CPEB3: variants seen among roughly 807,000 people sequenced by gnomAD.
CPEB3 encodes cytoplasmic polyadenylation element binding protein 3, also known as cytoplasmic polyadenylation element-binding protein 3.
A neutral mutation model predicts 67.2 loss-of-function variants in CPEB3; 20 were observed. The ratio of observed to expected loss-of-function variants is 0.30; its 90% CI spans 0.21 to 0.43. CPEB3 has a LOEUF of 0.43. Among genes scored for constraint, CPEB3 ranks in the 20% least tolerant of loss-of-function variants. The probability of loss-of-function intolerance (pLI) is 1.00; values close to 1 mark genes in which losing one functional copy is unlikely to be tolerated. For synonymous variants in CPEB3, 376 were observed against 393.1 expected (o/e 0.96, Z 0.51); for missense variants, 746 against 968.6 (o/e 0.77, Z 3.05).
chr10:92,163,328 G>C (rs969027251), intron 4 of CPEB3, among the ~76,000 whole-genome samples: 4 of 152,100 alleles, frequency 2.6e-5, no homozygotes, highest in African/African-American at 9.7e-5. Context: ...CAGCTACTCG[G>C]GAGGCTGAGG....
intron 1 of CPEB3, among the ~76,000 whole-genome samples, chr10:92,253,463 C>CAAAAAAAAAAAAAAAAAAAAAAA (rs370091703): frequency 1.3e-5 from 1 of 76,836 alleles, no homozygotes; most frequent in Non-Finnish European, 2.6e-5. Context: ...TGTCTCAAAA[C>CAAAAAAAAAAAAAAAAAAAAAAA]AAAAAAAAAA....
intron 7 of CPEB3, among the ~76,000 whole-genome samples, chr10:92,095,360 C>T (rs1218467584): frequency 6.6e-6 from 1 of 151,482 alleles, no homozygotes; most frequent in Admixed American, 6.6e-5. Flanking sequence ...AACATAGATG[C>T]AGAATTAATC....
chr10:92,164,678 C>T (rs1411676206), intron 4 of CPEB3, among the ~76,000 whole-genome samples: 1 of 152,076 alleles, frequency 6.6e-6, no homozygotes, highest in Non-Finnish European at 1.5e-5. Context: ...TACAATTTAT[C>T]CATTCACCAG....
chr10:92,217,248 T>TACACAC (rs754423428), intron 2 of CPEB3, among the ~76,000 whole-genome samples: 48 of 127,276 alleles, frequency 3.8e-4, no homozygotes, highest in Middle Eastern at 4.0e-3. Flanking sequence ...TATATATATA[T>TACACAC]ACACACACAC....
chr10:92,239,734 G>C lies in CPEB3; in HGVS notation c.617C>G (p.Ala206Gly). The change falls in exon 2 of 10, where the codon GCC becomes GGC. Residue 206 changes from alanine (A) to glycine (G), a missense_variant. By Grantham distance (60) the Ala-to-Gly change is moderately conservative. This residue lies in a region of CPEB3 where 643 missense variants were observed against 717.5 expected (regional missense o/e 0.90). Coordinates refer to ENST00000265997, the MANE Select transcript of CPEB3 (RefSeq NM_014912.5). This position sits in a 1 kb window ranked among gnomAD's most constrained non-coding sequence, Gnocchi z 6.0. Reference sequence around the variant, plus strand: ...GGGCTGGTGGCCGTACGCCGCGGCGGCGCTCCTCTGCGCGTAGGGCGCCTG... The same window carrying C: ...GGGCTGGTGGCCGTACGCCGCGGCGCCGCTCCTCTGCGCGTAGGGCGCCTG... ...PSQAPYAQRS[A>G]AAAYGHQPIM... 6.6e-7 allele frequency: 1 copy of C among 1,505,240 alleles called. No homozygotes were observed. The highest frequency in any genetic ancestry group is 8.8e-7 in the Non-Finnish European group (1 of 1,133,786). The allele number at this position is 1,505,240 out of a possible 1,614,324, so 93.2% of individuals were successfully genotyped here. A position where few individuals can be genotyped will look rare whatever the true frequency, so the allele number is the denominator to read the frequency against.
chr10:92,099,301 G>A (rs893449488), intron 7 of CPEB3, among the ~76,000 whole-genome samples: 46 of 149,408 alleles, frequency 3.1e-4, no homozygotes, highest in African/African-American at 1.1e-3. Context: ...ACAGGCATGC[G>A]CCACCATGCC....
At chr10:92,260,208 T>C (rs1852728422) in intron 1 of CPEB3, among the ~76,000 whole-genome samples, 1 of 152,172 alleles carries the variant, frequency 6.6e-6, no homozygotes, top group Non-Finnish European at 1.5e-5. Flanking sequence ...CAAATAATTC[T>C]GAATATCATT....
chr10:92,279,046 T>A (rs1250625318), intron 1 of CPEB3, among the ~76,000 whole-genome samples: 2 of 152,304 alleles, frequency 1.3e-5, no homozygotes, highest in East Asian at 3.9e-4. Flanking sequence ...TCTTGACTAA[T>A]TGACCTGGCT....
chr10:92,165,242 C>A (rs1847681344), intron 4 of CPEB3, among the ~76,000 whole-genome samples: 1 of 152,108 alleles, frequency 6.6e-6, no homozygotes, highest in Admixed American at 6.6e-5. Flanking sequence ...AGGCCAGGAG[C>A]TGAGTGCTAC....
chr10:92,158,231 A>T (rs541446340), intron 4 of CPEB3, among the ~76,000 whole-genome samples: 80 of 152,270 alleles, frequency 5.3e-4, no homozygotes, highest in African/African-American at 1.6e-3. Flanking sequence ...ATATTTTTTT[A>T]AAAAACCTTT....
At position 92,239,769 on chromosome 10, in the gene CPEB3, G is replaced by A; in HGVS notation, c.582C>T (p.Ala194=). The A allele has an allele frequency of 7.0e-7, 1 of 1,436,126 alleles. No homozygotes were observed. The highest frequency in any genetic ancestry group is 9.1e-7 in the Non-Finnish European group (1 of 1,102,088). The allele number at this position is 1,436,126 out of a possible 1,614,324, so 89.0% of individuals were successfully genotyped here. Residue 194 remains alanine (A), a synonymous_variant, in exon 2 of 10, where the codon GCC becomes GCT. Coordinates refer to ENST00000265997, the MANE Select transcript of CPEB3 (RefSeq NM_014912.5). The surrounding 1 kb of genome is among the most constrained non-coding windows in gnomAD (Gnocchi z 6.0). ...GCGCGTAGGGCGCCTGGCTGGGGCT[G>A]GCGGGTGAGCGGCGCTGCTGCGGGG... is the stretch of plus-strand genomic sequence containing the variant. ...AQPPQQRRSP[A]SPSQAPYAQR... is the part of the protein sequence containing the mutation.
chr10:92,117,047 C>T (rs550639031), intron 6 of CPEB3, among the ~76,000 whole-genome samples: 1 of 151,924 alleles, frequency 6.6e-6, no homozygotes, highest in Non-Finnish European at 1.5e-5. Context: ...TTTTTTGAGA[C>T]AGAGTCTCGC....
intron 1 of CPEB3, among the ~76,000 whole-genome samples, chr10:92,255,968 A>C (rs146156218): frequency 1.2e-4 from 18 of 152,314 alleles, no homozygotes; most frequent in Middle Eastern, 3.4e-3. Context: ...GACTGCTTTT[A>C]ACTATTTCTC....
At chr10:92,257,728 CTTTT>C (rs11418720) in intron 1 of CPEB3, among the ~76,000 whole-genome samples, 2 of 130,736 alleles carry the variant, frequency 1.5e-5, no homozygotes, top group Non-Finnish European at 3.2e-5. Flanking sequence ...GACCTCAACT[CTTTT>C]TTTTTTTTTT....
rs1234690507 is a variant in CPEB3 at position 92,165,203 on chromosome 10, T to C, written c.1222+15760A>G. Among the ~76,000 whole-genome samples the C allele has an allele frequency of 2.0e-5, 3 of 152,178 alleles. No individual in the cohort carries two copies. In the East Asian group the frequency reaches 5.8e-4, roughly 29 times the overall value. ...GGCTCATACCTGTAGCCCCAGCTAC[T>C]TAAGAGGCTGAGGTGGGAGGACTGT... On this transcript the variant is annotated intron_variant, in intron 4 of 9. Coordinates refer to ENST00000265997, the MANE Select transcript of CPEB3 (RefSeq NM_014912.5).
At chr10:92,061,416 T>G (rs1286042598) in intron 9 of CPEB3, among the ~76,000 whole-genome samples, 1 of 92,058 alleles carries the variant, frequency 1.1e-5, no homozygotes, top group Non-Finnish European at 2.0e-5. Context: ...CGAAATTCTG[T>G]CTCAAAAAAA....
At chr10:92,256,543 C>G (rs1349658024) in intron 1 of CPEB3, among the ~76,000 whole-genome samples, 1 of 152,002 alleles carries the variant, frequency 6.6e-6, no homozygotes, top group Non-Finnish European at 1.5e-5. Flanking sequence ...CACGTGCCAC[C>G]ACACCCAGCT....
At chr10:92,080,346 A>T (rs916609739) in intron 9 of CPEB3, among the ~76,000 whole-genome samples, 2 of 152,180 alleles carry the variant, frequency 1.3e-5, no homozygotes, top group East Asian at 3.9e-4. Flanking sequence ...AGGAATTTAA[A>T]CTCATGCCAA....
At chr10:92,054,708 C>A (rs1842048539) in intron 9 of CPEB3, among the ~76,000 whole-genome samples, 1 of 152,166 alleles carries the variant, frequency 6.6e-6, no homozygotes, top group Non-Finnish European at 1.5e-5. Context: ...TCTCAAAGTG[C>A]TGGGATTACA....
Sources: gnomAD v4.1 joint callset for allele counts (sites outside exome capture counted in the v4.1 genomes callset) on GRCh38, gnomAD v4.1.1 for gene constraint, gnomAD v4.1.1 regional missense constraint, Gnocchi (gnomAD v3.1) non-coding constraint, MANE v1.5 for transcripts, NCBI Gene and HGNC (gene_info 2026-07-23, HGNC 2026-07-21) for gene names.